Variants in CNTNAP5 observed in about 807,000 individuals in gnomAD.
CNTNAP5 encodes contactin-associated protein-like 5.
Under a neutral mutation model 150.2 loss-of-function variants are expected in CNTNAP5, and 72 were observed. That is an observed-to-expected ratio of 0.48 (90% CI 0.40 to 0.58). The LOEUF is 0.58. Ranked by LOEUF, CNTNAP5 falls within the 20% of genes least tolerant of loss-of-function variation. The probability of loss-of-function intolerance (pLI) is 0.00; values close to 1 mark genes in which losing one functional copy is unlikely to be tolerated. For missense variants in CNTNAP5, 1,636 were observed against 1,626.2 expected (o/e 1.01, Z -0.10); for synonymous variants, 672 against 619.8 (o/e 1.08, Z -1.25).
intron 3 of CNTNAP5, among the ~76,000 whole-genome samples, chr2:124,353,779 T>C (rs1221151317): frequency 2.0e-5 from 3 of 152,204 alleles, no homozygotes; most frequent in Non-Finnish European, 4.4e-5. Context: ...TAGACAGTAC[T>C]GGAGACAAGA....
chr2:124,623,172 G>A (rs1677652670), intron 12 of CNTNAP5, among the ~76,000 whole-genome samples: 1 of 152,140 alleles, frequency 6.6e-6, no homozygotes, highest in Non-Finnish European at 1.5e-5. Flanking sequence ...TGGGAATATA[G>A]AAATGATTAA....
chr2:124,296,259 G>A (rs1688429055), intron 3 of CNTNAP5, among the ~76,000 whole-genome samples: 1 of 152,100 alleles, frequency 6.6e-6, no homozygotes, highest in Non-Finnish European at 1.5e-5. Context: ...TATTTCTCAG[G>A]TCTGTGATTG....
At chr2:124,885,225 AT>A (rs1254062501) in intron 21 of CNTNAP5, among the ~76,000 whole-genome samples, 1 of 151,966 alleles carries the variant, frequency 6.6e-6, no homozygotes, top group Non-Finnish European at 1.5e-5. Flanking sequence ...CATTCTGCTC[AT>A]AAGGTCTTGC....
chr2:124,420,367 T>G (rs557759766), intron 4 of CNTNAP5, among the ~76,000 whole-genome samples: 1 of 152,220 alleles, frequency 6.6e-6, no homozygotes, highest in East Asian at 1.9e-4. Context: ...ATGGCCCTCT[T>G]TAGCAACTAC....
chr2:124,113,971 C>T (rs758066027), intron 1 of CNTNAP5, among the ~76,000 whole-genome samples: 1 of 152,024 alleles, frequency 6.6e-6, no homozygotes, highest in Non-Finnish European at 1.5e-5. Context: ...TTATATCCCC[C>T]TGATCTATTT....
At chr2:124,899,457 A>T (rs907781272) in intron 21 of CNTNAP5, among the ~76,000 whole-genome samples, 1 of 151,606 alleles carries the variant, frequency 6.6e-6, no homozygotes, top group East Asian at 1.9e-4. Flanking sequence ...CCTTATTTTG[A>T]TGATATTTAA....
At chr2:124,117,523 T>C (rs1479235125) in intron 1 of CNTNAP5, among the ~76,000 whole-genome samples, 1 of 152,116 alleles carries the variant, frequency 6.6e-6, no homozygotes, top group African/African-American at 2.4e-5. Context: ...GGGTAAAAAG[T>C]TAGGTTGGGA....
intron 19 of CNTNAP5, among the ~76,000 whole-genome samples, chr2:124,861,241 A>G (rs1677518015): frequency 6.6e-6 from 1 of 151,956 alleles, no homozygotes; most frequent in African/African-American, 2.4e-5. Context: ...AATTTTTTAG[A>G]AAAACAGCAT....
At chr2:124,832,474 G>A (rs1682736691) in intron 19 of CNTNAP5, among the ~76,000 whole-genome samples, 1 of 152,024 alleles carries the variant, frequency 6.6e-6, no homozygotes, top group Non-Finnish European at 1.5e-5. Context: ...AAGACAATTA[G>A]ACCTAAATTA....
chr2:124,886,875 C>G (rs182847337), intron 21 of CNTNAP5, among the ~76,000 whole-genome samples: 38 of 152,122 alleles, frequency 2.5e-4, no homozygotes, highest in African/African-American at 8.2e-4. Context: ...TGGAAGTGCT[C>G]CTTTCATTGA....
chr2:124,731,288 CT>C (rs1287526612), intron 13 of CNTNAP5, among the ~76,000 whole-genome samples: 3 of 152,030 alleles, frequency 2.0e-5, no homozygotes, highest in Non-Finnish European at 2.9e-5. Context: ...TGAAGGGAAA[CT>C]TGATGCATGT....
At chr2:124,424,385 T>G (rs531675452) in intron 4 of CNTNAP5, among the ~76,000 whole-genome samples, 31 of 152,272 alleles carry the variant, frequency 2.0e-4, no homozygotes, top group African/African-American at 7.0e-4. Flanking sequence ...ATGACAGCAG[T>G]CAGACCTGGG....
intron 3 of CNTNAP5, among the ~76,000 whole-genome samples, chr2:124,286,649 T>G (rs2104629021): frequency 6.6e-6 from 1 of 152,268 alleles, no homozygotes; most frequent in African/African-American, 2.4e-5. Context: ...AAGCCCCCAG[T>G]GATGCTATTC....
At chr2:124,357,998 A>G (rs1284016022) in intron 3 of CNTNAP5, among the ~76,000 whole-genome samples, 2 of 149,938 alleles carry the variant, frequency 1.3e-5, no homozygotes, top group Non-Finnish European at 3.0e-5. Flanking sequence ...AGTGGTTTGT[A>G]GTTCTCCTTG....
intron 16 of CNTNAP5, among the ~76,000 whole-genome samples, chr2:124,764,848 G>A (rs1011652339): frequency 1.3e-5 from 2 of 151,988 alleles, no homozygotes; most frequent in African/African-American, 4.8e-5. Flanking sequence ...ATTACATCAA[G>A]TGGTATTTTT....
Position 124,798,178 on chromosome 2 carries a change from C to G in CNTNAP5, c.3075C>G (p.Leu1025=), listed in dbSNP as rs770064372. The G allele has an allele frequency of 4.3e-6, 7 of 1,613,892 alleles. No homozygotes were observed. The highest frequency in any genetic ancestry group is 3.3e-5 in the South Asian group (3 of 91,072). ...EPYPVTKNIS[L]SSSAIYTDSA... ...ATCCTGTGACCAAGAATATAAGCCT[C>G]TCATCCTCAGCTATTTACACAGATT... The change falls in exon 19 of 24, where the codon CTC becomes CTG. Residue 1025 remains leucine, a synonymous_variant. Transcript: ENST00000682447.
chr2:124,628,839 C>T (rs898200262), intron 12 of CNTNAP5, among the ~76,000 whole-genome samples: 1 of 152,058 alleles, frequency 6.6e-6, no homozygotes, highest in Non-Finnish European at 1.5e-5. Flanking sequence ...CAAAGATGCA[C>T]ATAGAATCAT....
intron 1 of CNTNAP5, among the ~76,000 whole-genome samples, chr2:124,208,733 C>T (rs1227393710): frequency 1.8e-4 from 28 of 152,134 alleles, no homozygotes; most frequent in Admixed American, 1.8e-3. Context: ...GTGATAAAAT[C>T]GGGAGGGAGT....
At chr2:124,800,924 T>C (rs566478244) in intron 19 of CNTNAP5, among the ~76,000 whole-genome samples, 1 of 152,206 alleles carries the variant, frequency 6.6e-6, no homozygotes, top group Admixed American at 6.5e-5. Context: ...GTGGTCAAGG[T>C]ACAGCTTGGT....
Sources: allele counts gnomAD v4.1 joint callset (sites outside exome capture counted in the v4.1 genomes callset), GRCh38; gene constraint gnomAD v4.1.1; transcripts MANE v1.5; gene names NCBI Gene and HGNC (gene_info 2026-07-23, HGNC 2026-07-21).